EHBP1: variants seen among roughly 807,000 people sequenced by gnomAD.
EHBP1 encodes the protein EH domain binding protein 1.
A neutral mutation model predicts 144.0 loss-of-function variants in EHBP1; 55 were observed. That is an observed-to-expected ratio of 0.38 (90% CI 0.31 to 0.48). EHBP1 has a LOEUF of 0.48. Ranked by LOEUF, EHBP1 falls within the 20% of genes least tolerant of loss-of-function variation. The pLI is 0.98. For synonymous variants in EHBP1, 469 were observed against 472.7 expected (o/e 0.99, Z 0.10); for missense variants, 1,200 against 1,364.2 (o/e 0.88, Z 1.90).
intron 3 of EHBP1, among the ~76,000 whole-genome samples, chr2:62,755,564 G>T (rs1258074689): frequency 2.0e-5 from 3 of 152,178 alleles, no homozygotes; most frequent in African/African-American, 7.2e-5. Context: ...TAACTTGTAA[G>T]AAATTGCCAC....
intron 10 of EHBP1, among the ~76,000 whole-genome samples, chr2:62,932,626 T>C (rs997891521): frequency 6.6e-6 from 1 of 152,126 alleles, no homozygotes; most frequent in African/African-American, 2.4e-5. Context: ...TTCAAAACAA[T>C]GTGAATATAC....
chr2:62,736,233 T>C (rs1280190065), intron 2 of EHBP1, among the ~76,000 whole-genome samples: 1 of 146,174 alleles, frequency 6.8e-6, no homozygotes, highest in African/African-American at 2.5e-5. Flanking sequence ...CCTTTTTTTT[T>C]TTTTTTTTTT....
chr2:62,888,906 G>A (rs1473416697), intron 10 of EHBP1, among the ~76,000 whole-genome samples: 1 of 152,032 alleles, frequency 6.6e-6, no homozygotes, highest in Non-Finnish European at 1.5e-5. Flanking sequence ...AATGCACAGT[G>A]GAGTTAGGAC....
chr2:62,884,582 T>G (rs2051760129), intron 10 of EHBP1, among the ~76,000 whole-genome samples: 1 of 152,172 alleles, frequency 6.6e-6, no homozygotes, highest in South Asian at 2.1e-4. Flanking sequence ...CATTTAAGAT[T>G]TCATTTGAAA....
chr2:63,037,501 C>A, intron 19 of EHBP1, 34 bp from the exon 20 acceptor site: 1 of 1,446,682 alleles, frequency 6.9e-7, no homozygotes, highest in Non-Finnish European at 9.6e-7. Context: ...GTTTTAACAT[C>A]GTATAGTAAA....
chr2:62,820,606 C>T (rs1287269997), intron 5 of EHBP1, among the ~76,000 whole-genome samples: 1 of 150,898 alleles, frequency 6.6e-6, no homozygotes, highest in Non-Finnish European at 1.5e-5. Context: ...TAATATTTGT[C>T]CTTTTGTGTT....
intron 10 of EHBP1, among the ~76,000 whole-genome samples, chr2:62,934,826 G>A (rs925377731): frequency 1.1e-4 from 17 of 152,144 alleles, no homozygotes; most frequent in Admixed American, 9.8e-4. Context: ...CAGTTTTACA[G>A]TAAATAATGT....
intron 3 of EHBP1, among the ~76,000 whole-genome samples, chr2:62,748,831 G>C (rs977223971): frequency 6.6e-6 from 1 of 151,572 alleles, no homozygotes; most frequent in Non-Finnish European, 1.5e-5. Context: ...TTTTATTTAG[G>C]GCCTCTTTTC....
intron 5 of EHBP1, among the ~76,000 whole-genome samples, chr2:62,801,279 G>A (rs545751438): frequency 1.3e-5 from 2 of 152,306 alleles, no homozygotes; most frequent in South Asian, 4.1e-4. Flanking sequence ...GCTGCTTCTG[G>A]AGTATAGCCG....
At chr2:62,821,442 A>T (rs2045974257) in intron 5 of EHBP1, among the ~76,000 whole-genome samples, 1 of 152,154 alleles carries the variant, frequency 6.6e-6, no homozygotes, top group Non-Finnish European at 1.5e-5. Flanking sequence ...TAATCCTAGC[A>T]CTTTGGGAGG....
chr2:62,942,035 C>A (rs947279160), intron 10 of EHBP1, among the ~76,000 whole-genome samples: 2 of 152,022 alleles, frequency 1.3e-5, no homozygotes, highest in Non-Finnish European at 2.9e-5. Context: ...AAAACACACA[C>A]ACTACTAACT....
intron 2 of EHBP1, among the ~76,000 whole-genome samples, chr2:62,744,538 A>G (rs2038982044): frequency 6.6e-6 from 1 of 152,114 alleles, no homozygotes. Context: ...TTTGTTCCCG[A>G]TAATTAAATA....
intron 2 of EHBP1, among the ~76,000 whole-genome samples, chr2:62,711,675 A>T (rs2035158947): frequency 1.3e-5 from 2 of 152,176 alleles, no homozygotes; most frequent in Non-Finnish European, 2.9e-5. Flanking sequence ...TATAGAGGTG[A>T]GGAAGGAGAG....
intron 10 of EHBP1, among the ~76,000 whole-genome samples, chr2:62,890,928 C>G (rs1204658559): frequency 6.6e-6 from 1 of 152,160 alleles, no homozygotes; most frequent in Non-Finnish European, 1.5e-5. Context: ...CGCCTGTAAT[C>G]CAGCACTTTG....
intron 5 of EHBP1, among the ~76,000 whole-genome samples, chr2:62,785,938 C>T (rs550014187): frequency 1.3e-5 from 2 of 152,174 alleles, no homozygotes; most frequent in South Asian, 4.1e-4. Context: ...GTAGTGATCT[C>T]ATTTTTCTGA....
At chr2:62,728,035 A>G (rs2037010327) in intron 2 of EHBP1, among the ~76,000 whole-genome samples, 1 of 152,180 alleles carries the variant, frequency 6.6e-6, no homozygotes, top group African/African-American at 2.4e-5. Flanking sequence ...GGGTCAGCAT[A>G]TCTGGTTGTG....
At chr2:62,803,672 A>T (rs1383454484) in intron 5 of EHBP1, among the ~76,000 whole-genome samples, 1 of 152,174 alleles carries the variant, frequency 6.6e-6, no homozygotes. Flanking sequence ...TTATTTATAG[A>T]TCCTTATGTG....
intron 10 of EHBP1, among the ~76,000 whole-genome samples, chr2:62,913,070 C>G (rs996381353): frequency 6.6e-6 from 1 of 152,176 alleles, no homozygotes; most frequent in African/African-American, 2.4e-5. Flanking sequence ...TGCATTCTCC[C>G]CTCTGGAAAC....
intron 5 of EHBP1, among the ~76,000 whole-genome samples, chr2:62,787,679 C>G (rs2042909684): frequency 6.6e-6 from 1 of 152,004 alleles, no homozygotes; most frequent in Non-Finnish European, 1.5e-5. Context: ...CTTTCCTGAC[C>G]CTTCATGAAA....
Sources: allele counts gnomAD v4.1 joint callset (sites outside exome capture counted in the v4.1 genomes callset), GRCh38; gene constraint gnomAD v4.1.1; transcripts MANE v1.5; gene names NCBI Gene and HGNC (gene_info 2026-07-23, HGNC 2026-07-21).